The following NBEA variants were observed in gnomAD, a reference collection of about 807,000 sequenced individuals.
NBEA encodes neurobeachin.
In NBEA, 44 loss-of-function variants were observed where a neutral mutation model predicts 343.4. The ratio of observed to expected loss-of-function variants is 0.13; its 90% CI spans 0.10 to 0.16. The LOEUF (loss-of-function observed/expected upper bound fraction) is 0.16, where lower values mean the gene tolerates loss of function less well. Ranked by LOEUF, NBEA falls within the 10% of genes least tolerant of loss-of-function variation. NBEA has a pLI of 1.00. For synonymous variants in NBEA, 1,175 were observed against 1,238.7 expected, an observed-to-expected ratio of 0.95 and a Z score of 1.08; for missense variants, 2,555 against 3,631.3, an observed-to-expected ratio of 0.70 and a Z score of 7.62.
chr13:35,506,900 A>G (rs559037133), intron 41 of NBEA, among the ~76,000 whole-genome samples: 5 of 152,126 alleles, frequency 3.3e-5, no homozygotes, highest in African/African-American at 9.7e-5. Flanking sequence ...TTTCTTGAAC[A>G]TCCCTTTTAA....
At chr13:35,305,012 A>T (rs549872200) in intron 35 of NBEA, among the ~76,000 whole-genome samples, 2 of 152,324 alleles carry the variant, frequency 1.3e-5, no homozygotes, top group African/African-American at 4.8e-5. Flanking sequence ...CTACTAAAAA[A>T]TATGGGGGAA....
intron 10 of NBEA, among the ~76,000 whole-genome samples, chr13:35,080,819 C>G (rs2064353033): frequency 6.6e-6 from 1 of 152,062 alleles, no homozygotes; most frequent in African/African-American, 2.4e-5. Context: ...GCATGAGACA[C>G]ATAAATTTAT....
chr13:35,409,753 A>G (rs2043477197), intron 38 of NBEA, among the ~76,000 whole-genome samples: 1 of 152,176 alleles, frequency 6.6e-6, no homozygotes, highest in African/African-American at 2.4e-5. Flanking sequence ...GGCAGAAGGT[A>G]GCAGAAACTA....
intron 48 of NBEA, among the ~76,000 whole-genome samples, chr13:35,615,720 T>C (rs183199390): frequency 1.2e-3 from 176 of 152,078 alleles, no homozygotes; most frequent in African/African-American, 4.1e-3. Flanking sequence ...GTCTCCAGGA[T>C]AGGTAAGTGG....
At chr13:35,178,861 G>C (rs1182106107) in intron 28 of NBEA, among the ~76,000 whole-genome samples, 1 of 151,224 alleles carries the variant, frequency 6.6e-6, no homozygotes, top group East Asian at 1.9e-4. Flanking sequence ...TTAGAAATGG[G>C]AATAGTCATC....
chr13:35,245,286 T>G (rs2031011161), intron 34 of NBEA, among the ~76,000 whole-genome samples: 2 of 152,200 alleles, frequency 1.3e-5, no homozygotes, highest in African/African-American at 4.8e-5. Context: ...TTTAGACCAT[T>G]TACATTCAAT....
At chr13:35,101,867 C>G (rs2065663225) in intron 11 of NBEA, among the ~76,000 whole-genome samples, 2 of 151,676 alleles carry the variant, frequency 1.3e-5, no homozygotes, top group Non-Finnish European at 1.5e-5. Context: ...TTTGGTGTGA[C>G]TTTTCACTCT....
rs537493739 is a variant in NBEA, at chr13:35,641,260, G to A, written c.7618-4609G>A. Among the ~76,000 whole-genome samples the A allele has an allele frequency of 8.5e-5, 13 of 152,116 alleles. No homozygotes were observed. In the South Asian group the frequency reaches 2.7e-3, roughly 32 times the overall value. Reference sequence around the variant, plus strand: ...GAAAATAAATACACAAAACCATTTTGGAGAAACACTTTGGCAGTAAAACTA... The same window carrying A: ...GAAAATAAATACACAAAACCATTTTAGAGAAACACTTTGGCAGTAAAACTA... On this transcript the variant is annotated intron_variant, in intron 49 of 58. Transcript: ENST00000379939.
At chr13:34,967,812 T>C (rs1242886234) in intron 1 of NBEA, among the ~76,000 whole-genome samples, 1 of 152,048 alleles carries the variant, frequency 6.6e-6, no homozygotes, top group Non-Finnish European at 1.5e-5. Flanking sequence ...ACTAATTAAG[T>C]GTCCTAAAAT....
At chr13:35,074,034 T>A (rs899408107) in intron 10 of NBEA, among the ~76,000 whole-genome samples, 1 of 152,192 alleles carries the variant, frequency 6.6e-6, no homozygotes, top group Non-Finnish European at 1.5e-5. Flanking sequence ...TGTGACTTTT[T>A]AAATTATGAA....
At chr13:35,497,043 CTTAG>C (rs1336216625) in intron 41 of NBEA, among the ~76,000 whole-genome samples, 2 of 152,122 alleles carry the variant, frequency 1.3e-5, no homozygotes, top group East Asian at 1.9e-4. Flanking sequence ...ACGCAAATAG[CTTAG>C]TTAGATATGT....
intron 1 of NBEA, among the ~76,000 whole-genome samples, chr13:34,977,348 G>A (rs1019891234): frequency 1.0e-4 from 15 of 149,318 alleles, no homozygotes; most frequent in African/African-American, 2.0e-4. Context: ...TGTCTCTGTC[G>A]CCCAGGCTGG....
chr13:35,025,029 T>A (rs1315281110), intron 1 of NBEA, among the ~76,000 whole-genome samples: 1 of 152,168 alleles, frequency 6.6e-6, no homozygotes, highest in African/African-American at 2.4e-5. Context: ...TATTTGTTTT[T>A]TAGTTGTTGA....
rs200875160 is a variant in NBEA, at chr13:35,654,961, T to A, written c.8142T>A (p.Leu2714=). Residue 2714 remains leucine, a synonymous_variant, in exon 54 of 59, where the codon CTT becomes CTA. Transcript: ENST00000379939. Reference sequence around the variant, plus strand: ...TAACAGCAGATAATCGCTATATTCTTATCTGTGGATTCTGGGATAAGAGCT... The same window carrying A: ...TAACAGCAGATAATCGCTATATTCTAATCTGTGGATTCTGGGATAAGAGCT... ...FVVTADNRYI[L]ICGFWDKSFR... 1.6e-4 allele frequency: 247 copies of A among 1,572,976 alleles called. No homozygotes were observed. The African/African-American group carries it at 3.0e-3, about 19-fold the overall frequency.
chr13:35,517,116 A>G (rs2077514389), intron 41 of NBEA, among the ~76,000 whole-genome samples: 1 of 152,032 alleles, frequency 6.6e-6, no homozygotes, highest in Admixed American at 6.6e-5. Context: ...TTTTCTGCCC[A>G]CATATTCCTT....
At position 35,124,651 on chromosome 13, in the gene NBEA, TAC is replaced by T. The variant is rs1177069703; in HGVS notation, c.2336+1085_2336+1086del. Reference sequence around the variant, plus strand: ...ATACATACACACACATATATGGATATACACACACATATATGTGGATATATATA... The same window carrying T: ...ATACATACACACACATATATGGATATACACACATATATGTGGATATATATA... On this transcript the variant is annotated intron_variant, in intron 17 of 58. Transcript: ENST00000379939. Among the ~76,000 whole-genome samples the T allele has an allele frequency of 3.3e-5, 5 of 150,460 alleles. No homozygotes were observed. In the East Asian group the frequency reaches 9.7e-4, roughly 29 times the overall value.
chr13:35,049,399 G>T (rs2062984282), intron 5 of NBEA, among the ~76,000 whole-genome samples: 1 of 151,706 alleles, frequency 6.6e-6, no homozygotes, highest in Non-Finnish European at 1.5e-5. Flanking sequence ...TGTACTTTTG[G>T]TGTCTTCAAC....
At position 35,179,739 on chromosome 13, in the gene NBEA, G is replaced by A. The variant is rs1054039478; in HGVS notation, c.4663-2621G>A. 12 of 982,222 alleles carry A rather than the reference G, an allele frequency of 1.2e-5. No individual in the cohort carries two copies. The Admixed American group carries it at 1.9e-4, about 15-fold the overall frequency. 60.8% of individuals were successfully genotyped at this position (982,222 alleles called of 1,614,324 possible). On this transcript the variant is annotated intron_variant, in intron 28 of 58. Transcript: ENST00000379939. ...TACTGAGTTTCTAGTGTTAGAAATA[G>A]AAGTATTATGGGATATTATGGTCTG... is the stretch of plus-strand genomic sequence containing the variant.
chr13:35,352,138 C>A lies in NBEA; in HGVS notation c.6013-19C>A, dbSNP rs1428956381. ...CAGTAAAAAGTTTATTATTATGCAT[C>A]ATTTGTATTTCTTTATAGTCACAGT... On this transcript the variant is annotated intron_variant, in intron 37 of 58. Coordinates refer to ENST00000379939, the MANE Select transcript of NBEA (RefSeq NM_001385012.1). The A allele has an allele frequency of 8.7e-6, 12 of 1,383,876 alleles. No homozygotes were observed. Among genetic ancestry groups the A allele is most frequent in the Admixed American group, 4.9e-5 (2 of 40,870 alleles). The allele number at this position is 1,383,876 out of a possible 1,614,324, so 85.7% of individuals were successfully genotyped here.
Sources: gnomAD v4.1 joint callset for allele counts (sites outside exome capture counted in the v4.1 genomes callset) on GRCh38, gnomAD v4.1.1 for gene constraint, MANE v1.5 for transcripts, NCBI Gene and HGNC (gene_info 2026-07-23, HGNC 2026-07-21) for gene names.